The following ARFGAP3 variants were observed in gnomAD, a reference collection of about 807,000 sequenced individuals.
The protein encoded by ARFGAP3 is ADP-ribosylation factor GTPase-activating protein 3.
In ARFGAP3, 72 loss-of-function variants were observed where a neutral mutation model predicts 75.0. The observed-to-expected ratio is 0.96, with a 90% CI of 0.79 to 1.17. The LOEUF (loss-of-function observed/expected upper bound fraction) is 1.17. Ranked by LOEUF, ARFGAP3 falls within the 50% of genes most tolerant of loss-of-function variation. ARFGAP3 has a pLI of 0.00. For missense variants in ARFGAP3, 620 were observed against 626.6 expected, an observed-to-expected ratio of 0.99 and a Z score of 0.11; for synonymous variants, 221 against 217.9, an observed-to-expected ratio of 1.01 and a Z score of -0.13.
intron 5 of ARFGAP3, among the ~76,000 whole-genome samples, chr22:42,832,933 C>T (rs762585489): frequency 6.6e-6 from 1 of 151,480 alleles, no homozygotes; most frequent in Non-Finnish European, 1.5e-5. Context: ...TGCAGTGAGC[C>T]GAGATCGCGC....
At chr22:42,824,913 G>A (rs1925972776) in intron 7 of ARFGAP3, among the ~76,000 whole-genome samples, 1 of 152,042 alleles carries the variant, frequency 6.6e-6, no homozygotes, top group African/African-American at 2.4e-5. Context: ...CCAAGATTTA[G>A]CCCCCACTTA....
chr22:42,821,201 C>A (rs1319340551), intron 9 of ARFGAP3, among the ~76,000 whole-genome samples: 1 of 152,198 alleles, frequency 6.6e-6, no homozygotes, highest in Non-Finnish European at 1.5e-5. Flanking sequence ...TCCAACAGGG[C>A]TTCAGATTAT....
chr22:42,822,512 G>C, intron 8 of ARFGAP3, 103 bp from the exon 9 acceptor site: 1 of 1,391,284 alleles, frequency 7.2e-7, no homozygotes, highest in Admixed American at 2.2e-5. Context: ...ACTGTGACAA[G>C]CACTCTACAT....
At chr22:42,835,590 G>A (rs1179574397) in intron 3 of ARFGAP3, 97 bp from the exon 4 acceptor site, 1 of 1,410,066 alleles carries the variant, frequency 7.1e-7, no homozygotes, top group Non-Finnish European at 9.7e-7. Flanking sequence ...GGGAGGCCGA[G>A]GCAGGCAGAT....
chr22:42,849,711 C>T (rs769066804), intron 1 of ARFGAP3, among the ~76,000 whole-genome samples: 2 of 151,940 alleles, frequency 1.3e-5, no homozygotes, highest in Admixed American at 6.6e-5. Flanking sequence ...CAAGTGTATG[C>T]CACCGTGCCC....
At chr22:42,815,607 G>GTA (rs1406867684) in intron 11 of ARFGAP3, among the ~76,000 whole-genome samples, 2 of 152,004 alleles carry the variant, frequency 1.3e-5, no homozygotes, top group African/African-American at 2.4e-5. Flanking sequence ...GTGTGGGTGT[G>GTA]TATATATACA....
intron 5 of ARFGAP3, among the ~76,000 whole-genome samples, chr22:42,833,919 A>C (rs887384409): frequency 3.9e-5 from 6 of 152,188 alleles, no homozygotes; most frequent in Non-Finnish European, 7.3e-5. Context: ...CAGTCCCCCC[A>C]AAAATAAATA....
chr22:42,827,516 G>A (rs1333058114), intron 6 of ARFGAP3, among the ~76,000 whole-genome samples: 3 of 152,118 alleles, frequency 2.0e-5, no homozygotes, highest in South Asian at 2.1e-4. Flanking sequence ...ACAGGCATGC[G>A]CCACCATGCC....
intron 7 of ARFGAP3, among the ~76,000 whole-genome samples, chr22:42,825,391 C>T (rs112571250): frequency 8.5e-5 from 13 of 152,256 alleles, no homozygotes; most frequent in East Asian, 3.9e-4. Context: ...AAAGCATCCT[C>T]GGCCAGGCAT....
intron 1 of ARFGAP3, among the ~76,000 whole-genome samples, chr22:42,849,609 G>A (rs1427861261): frequency 6.8e-6 from 1 of 147,982 alleles, no homozygotes; most frequent in Admixed American, 6.9e-5. Flanking sequence ...TGTCACCTAG[G>A]TTGGAGTGCA....
At chr22:42,839,436 T>C (rs1926681716) in intron 3 of ARFGAP3, among the ~76,000 whole-genome samples, 1 of 151,460 alleles carries the variant, frequency 6.6e-6, no homozygotes, top group South Asian at 2.1e-4. Context: ...TCGTCTCTAC[T>C]AAAAATACCA....
In ARFGAP3 at chr22:42,829,358, C is replaced by A. The variant is rs556337396; in HGVS notation, c.565+2191G>T. ...AAGCTGAACCCCAACAAAGAGGCAA[C>A]CCATGCCAATCAAGGCAGAGCCACA... On this transcript the variant is annotated intron_variant, in intron 6 of 15. Transcript: ENST00000263245. 1.3e-4 allele frequency among the ~76,000 whole-genome samples: 20 copies of A among 152,270 alleles called. No individual in the cohort carries two copies. In the South Asian group the frequency reaches 4.1e-3, roughly 32 times the overall value.
intron 11 of ARFGAP3, among the ~76,000 whole-genome samples, chr22:42,814,879 G>A (rs964581551): frequency 2.0e-5 from 3 of 152,160 alleles, no homozygotes; most frequent in African/African-American, 7.2e-5. Flanking sequence ...GGGACTACAG[G>A]CATGTCCACC....
intron 3 of ARFGAP3, among the ~76,000 whole-genome samples, chr22:42,839,407 C>T (rs1291870351): frequency 2.0e-5 from 3 of 151,412 alleles, no homozygotes; most frequent in Non-Finnish European, 4.4e-5. Flanking sequence ...GAGACCAGCT[C>T]GGCCAACATG....
chr22:42,802,449 A>T (rs113756163), intron 14 of ARFGAP3, among the ~76,000 whole-genome samples: 4 of 139,852 alleles, frequency 2.9e-5, no homozygotes, highest in African/African-American at 1.1e-4. Context: ...CCACGCCCAG[A>T]TAATTTTTTT....
intron 11 of ARFGAP3, among the ~76,000 whole-genome samples, chr22:42,813,161 C>T (rs1925440844): frequency 1.3e-5 from 2 of 152,206 alleles, no homozygotes; most frequent in South Asian, 4.1e-4. Context: ...AGGCACTCTG[C>T]TAGGGGAAGA....
intron 15 of ARFGAP3, 111 bp from the exon 16 acceptor site, chr22:42,797,716 T>C: frequency 6.2e-7 from 1 of 1,609,772 alleles, no homozygotes; most frequent in South Asian, 1.1e-5. Flanking sequence ...ATGTCAGGCA[T>C]GTGACATGGA....
At chr22:42,826,894 T>C (rs770853280) in intron 7 of ARFGAP3, 46 bp downstream of exon 7, 1 of 1,544,604 alleles carries the variant, frequency 6.5e-7, no homozygotes, top group Non-Finnish European at 8.8e-7. Flanking sequence ...TTTTTCTTAA[T>C]GAGTCATACA....
At position 42,838,983 on chromosome 22, in the gene ARFGAP3, G is replaced by A. The variant is rs544770126; in HGVS notation, c.261+1961C>T. On this transcript the variant is annotated intron_variant, in intron 3 of 15. Coordinates refer to ENST00000263245, the MANE Select transcript of ARFGAP3 (RefSeq NM_014570.5). ...AAATTAGCTGGGTGTGGTGGCGGGC[G>A]CCTGTAGTCCCAGCTACTCGGGAGG... 2.0e-3 allele frequency among the ~76,000 whole-genome samples: 296 copies of A among 151,434 alleles called. 4 individuals are homozygous for A. The highest frequency in any genetic ancestry group is 2.7e-3 in the Non-Finnish European group (185 of 67,862).
Sources: allele counts gnomAD v4.1 joint callset (sites outside exome capture counted in the v4.1 genomes callset), GRCh38; gene constraint gnomAD v4.1.1; transcripts MANE v1.5; gene names NCBI Gene and HGNC (gene_info 2026-07-23, HGNC 2026-07-21).